Variants in THSD4 observed in about 807,000 individuals in gnomAD.
The protein encoded by THSD4 is thrombospondin type 1 domain containing 4, also known as thrombospondin type-1 domain-containing protein 4.
THSD4 carries 69 observed loss-of-function variants against 119.0 expected under a neutral mutation model. The observed-to-expected ratio is 0.58, with a 90% CI of 0.48 to 0.71. The LOEUF (loss-of-function observed/expected upper bound fraction) is 0.71. Ranked by LOEUF, THSD4 falls within the 30% of genes least tolerant of loss-of-function variation. THSD4 has a pLI of 0.00. For missense variants in THSD4, 1,393 were observed against 1,391.1 expected, an observed-to-expected ratio of 1.00 and a Z score of -0.02; for synonymous variants, 524 against 540.4, an observed-to-expected ratio of 0.97 and a Z score of 0.42.
At chr15:71,276,127 G>C (rs1194560102) in intron 6 of THSD4, among the ~76,000 whole-genome samples, 3 of 152,200 alleles carry the variant, frequency 2.0e-5, no homozygotes, top group African/African-American at 7.2e-5. Flanking sequence ...AATCACTTGT[G>C]TAGCTGTAGT....
intron 8 of THSD4, among the ~76,000 whole-genome samples, chr15:71,716,579 T>TGTGTGTGTGTGTGTGTGTGG: frequency 1.8e-5 from 1 of 54,360 alleles, no homozygotes; most frequent in South Asian, 1.3e-3. Flanking sequence ...TGTGTGTGTG[T>TGTGTGTGTGTGTGTGTGTGG]GTTGGTTTTT....
intron 3 of THSD4, among the ~76,000 whole-genome samples, chr15:71,157,612 C>G (rs2040791590): frequency 6.6e-6 from 1 of 151,548 alleles, no homozygotes; most frequent in African/African-American, 2.4e-5. Context: ...ACTCTCCCCT[C>G]TTTTCTTTCC....
chr15:71,704,745 C>T (rs377044898), intron 8 of THSD4, among the ~76,000 whole-genome samples: 2 of 152,138 alleles, frequency 1.3e-5, no homozygotes, highest in African/African-American at 4.8e-5. Flanking sequence ...GGCTACAACC[C>T]CTAGCTACAA....
intron 7 of THSD4, among the ~76,000 whole-genome samples, chr15:71,460,031 C>T (rs150971261): frequency 6.6e-6 from 1 of 152,272 alleles, no homozygotes; most frequent in East Asian, 1.9e-4. Context: ...TCTGGCCACA[C>T]TAATGTCTAT....
At chr15:71,428,389 A>T (rs1346663959) in intron 7 of THSD4, among the ~76,000 whole-genome samples, 1 of 152,204 alleles carries the variant, frequency 6.6e-6, no homozygotes, top group Non-Finnish European at 1.5e-5. Context: ...TCCTTGCAGA[A>T]TCAGCTCATA....
intron 3 of THSD4, among the ~76,000 whole-genome samples, chr15:71,214,641 A>C (rs1048009722): frequency 1.2e-4 from 18 of 152,186 alleles, no homozygotes; most frequent in African/African-American, 4.1e-4. Flanking sequence ...GTGGCCTCTC[A>C]ACCACAGTGT....
At chr15:71,558,498 T>G (rs183821200) in intron 7 of THSD4, among the ~76,000 whole-genome samples, 392 of 152,330 alleles carry the variant, frequency 2.6e-3, no homozygotes, top group Non-Finnish European at 4.0e-3. Context: ...TTTTGTTTTG[T>G]TTTAAGACAG....
At chr15:71,240,796 TATAC>T (rs1364326402) in intron 4 of THSD4, among the ~76,000 whole-genome samples, 2 of 98,362 alleles carry the variant, frequency 2.0e-5, no homozygotes, top group South Asian at 3.5e-4. Flanking sequence ...TATATATGTG[TATAC>T]ACACACACAC....
intron 5 of THSD4, among the ~76,000 whole-genome samples, chr15:71,248,654 G>A (rs576197316): frequency 6.6e-6 from 1 of 152,240 alleles, no homozygotes; most frequent in East Asian, 1.9e-4. Flanking sequence ...CCCTGGGGTA[G>A]GACTGGCTTT....
At chr15:71,611,096 A>G (rs2050215868) in intron 7 of THSD4, among the ~76,000 whole-genome samples, 1 of 152,242 alleles carries the variant, frequency 6.6e-6, no homozygotes. Flanking sequence ...AGTTAAAATA[A>G]AAATCACTGG....
At chr15:71,571,648 C>A (rs148544667) in intron 7 of THSD4, among the ~76,000 whole-genome samples, 74 of 152,290 alleles carry the variant, frequency 4.9e-4, no homozygotes, top group Admixed American at 9.2e-4. Flanking sequence ...CTCCTCTGAG[C>A]CCTGCAGGAG....
In THSD4 at chr15:71,216,682, C is replaced by T. The variant is rs149468820; in HGVS notation, c.464+1283C>T. 1.1e-3 allele frequency among the ~76,000 whole-genome samples: 165 copies of T among 152,356 alleles called. 2 individuals are homozygous for T. The South Asian group carries it at 0.015, about 14-fold the overall frequency. Reference sequence around the variant, plus strand: ...GCCCCAAAGGAATGCTTCCTTCTCTCTCTCTTTCTACATGGGAACCTGAGC... The same window carrying T: ...GCCCCAAAGGAATGCTTCCTTCTCTTTCTCTTTCTACATGGGAACCTGAGC... On this transcript the variant is annotated intron_variant, in intron 4 of 17. Transcript: ENST00000261862.
intron 6 of THSD4, among the ~76,000 whole-genome samples, chr15:71,363,935 G>T (rs1321111201): frequency 6.6e-6 from 1 of 152,190 alleles, no homozygotes; most frequent in Non-Finnish European, 1.5e-5. Flanking sequence ...CCCCACAAAA[G>T]ATATTCAGAA....
intron 7 of THSD4, chr15:71,547,722 T>C: frequency 2.4e-6 from 1 of 415,568 alleles, no homozygotes; most frequent in Non-Finnish European, 4.1e-6. Flanking sequence ...CACTGGGAAG[T>C]TGCTCTGGCC....
chr15:71,712,261 C>CAGTGATTGTT (rs1243152636), intron 8 of THSD4, among the ~76,000 whole-genome samples: 1 of 152,140 alleles, frequency 6.6e-6, no homozygotes, highest in Non-Finnish European at 1.5e-5. Context: ...CAACACACTT[C>CAGTGATTGTT]TAAACAATCA....
chr15:71,639,014 T>G (rs1159695209), intron 7 of THSD4, among the ~76,000 whole-genome samples: 7 of 152,220 alleles, frequency 4.6e-5, no homozygotes, highest in African/African-American at 1.7e-4. Context: ...TTTGCTCTGA[T>G]GCTCAAGAAT....
intron 7 of THSD4, among the ~76,000 whole-genome samples, chr15:71,590,734 T>C (rs2049780106): frequency 6.6e-6 from 1 of 152,156 alleles, no homozygotes; most frequent in Non-Finnish European, 1.5e-5. Flanking sequence ...ACAGGCACGA[T>C]GGCTCACGCC....
chr15:71,690,467 T>G (rs1437080782), intron 8 of THSD4, among the ~76,000 whole-genome samples: 1 of 152,092 alleles, frequency 6.6e-6, no homozygotes, highest in Non-Finnish European at 1.5e-5. Flanking sequence ...GGACCTGAGA[T>G]GGCAAGGAGG....
Position 71,777,923 on chromosome 15 carries a change from A to G in THSD4, c.*549A>G, listed in dbSNP as rs987706602. ...TCCTGCCCTATGACACAGATAGCTC[A>G]CATGAATATTGTGCTTTATTTAGCA... On this transcript the variant is annotated 3_prime_UTR_variant, in exon 18 of 18. Coordinates refer to ENST00000261862, the MANE Select transcript of THSD4 (RefSeq NM_024817.3). 1 of 157,520 alleles carries G rather than the reference A, an allele frequency of 6.3e-6. No individual in the cohort carries two copies. Among genetic ancestry groups the G allele is most frequent in the Non-Finnish European group, 1.4e-5 (1 of 70,668 alleles). The allele number at this position is 157,520 out of a possible 1,614,324, so 9.8% of individuals were successfully genotyped here. A position where few individuals can be genotyped will look rare whatever the true frequency, so the allele number is the denominator to read the frequency against.
Sources: gnomAD v4.1 joint callset for allele counts (sites outside exome capture counted in the v4.1 genomes callset) on GRCh38, gnomAD v4.1.1 for gene constraint, MANE v1.5 for transcripts, NCBI Gene and HGNC (gene_info 2026-07-23, HGNC 2026-07-21) for gene names.